The following SHB variants were observed in gnomAD, a reference collection of about 807,000 sequenced individuals.
SHB encodes the protein SH2 domain containing adaptor protein B.
SHB carries 20 observed loss-of-function variants against 52.3 expected under a neutral mutation model. The observed-to-expected ratio is 0.38, with a 90% CI of 0.27 to 0.56. The LOEUF (loss-of-function observed/expected upper bound fraction) is 0.56, where lower values mean the gene tolerates loss of function less well. Ranked by LOEUF, SHB falls within the 20% of genes least tolerant of loss-of-function variation. The pLI is 0.71. For synonymous variants in SHB, 397 were observed against 316.5 expected (o/e 1.25, Z -2.70); for missense variants, 825 against 723.3 (o/e 1.14, Z -1.61).
At chr9:38,012,725 T>C (rs1453523906) in intron 2 of SHB, among the ~76,000 whole-genome samples, 1 of 151,190 alleles carries the variant, frequency 6.6e-6, no homozygotes, top group Non-Finnish European at 1.5e-5. Context: ...CCTGTACAGG[T>C]ACGCCACCTG....
chr9:38,046,517 C>T (rs1338571006), intron 1 of SHB, among the ~76,000 whole-genome samples: 1 of 152,250 alleles, frequency 6.6e-6, no homozygotes, highest in Non-Finnish European at 1.5e-5. Context: ...GGAGACACCA[C>T]ATTCCTCTGA....
At chr9:37,943,082 G>A (rs779273131) in intron 5 of SHB, among the ~76,000 whole-genome samples, 2 of 152,174 alleles carry the variant, frequency 1.3e-5, no homozygotes, top group Non-Finnish European at 2.9e-5. Context: ...TCCACCTGGT[G>A]ATCAGGGCTA....
chr9:37,987,809 C>T (rs751865503), intron 2 of SHB, among the ~76,000 whole-genome samples: 4 of 152,136 alleles, frequency 2.6e-5, no homozygotes, highest in East Asian at 1.9e-4. Context: ...GTCAGAGGGG[C>T]GGCCAACACA....
chr9:38,024,174 C>A (rs1462186949), intron 1 of SHB, among the ~76,000 whole-genome samples: 1 of 152,254 alleles, frequency 6.6e-6, no homozygotes, highest in Non-Finnish European at 1.5e-5. Flanking sequence ...CGCCCACATG[C>A]CTTCAGGGGC....
At chr9:37,975,415 T>A (rs777291827) in intron 2 of SHB, among the ~76,000 whole-genome samples, 6 of 152,128 alleles carry the variant, frequency 3.9e-5, no homozygotes, top group Non-Finnish European at 8.8e-5. Flanking sequence ...CCCCAGACCA[T>A]CTTTTAAATA....
intron 1 of SHB, among the ~76,000 whole-genome samples, chr9:38,061,582 A>C (rs1194246167): frequency 6.6e-6 from 1 of 152,222 alleles, no homozygotes; most frequent in Non-Finnish European, 1.5e-5. Flanking sequence ...AGAAGAAACC[A>C]CAGCTGTTTC....
chr9:37,981,016 A>G (rs1397310780), intron 2 of SHB, among the ~76,000 whole-genome samples: 1 of 152,212 alleles, frequency 6.6e-6, no homozygotes, highest in African/African-American at 2.4e-5. Context: ...TAGATTTAGC[A>G]TAATTCTTAA....
At chr9:38,055,405 G>T (rs566064703) in intron 1 of SHB, among the ~76,000 whole-genome samples, 2 of 152,310 alleles carry the variant, frequency 1.3e-5, no homozygotes, top group South Asian at 4.1e-4. Context: ...ACTGATTGAA[G>T]ACACGGGACA....
At chr9:37,937,465 A>C (rs1832384270) in intron 5 of SHB, among the ~76,000 whole-genome samples, 2 of 151,540 alleles carry the variant, frequency 1.3e-5, no homozygotes, top group Non-Finnish European at 2.9e-5. Context: ...TAAAAAGATA[A>C]GAAAAAAAAA....
rs373958255 is a variant in SHB, at chr9:37,978,803, G to A, written c.839-3966C>T. On this transcript the variant is annotated intron_variant, in intron 2 of 5. Coordinates refer to ENST00000377707, the MANE Select transcript of SHB (RefSeq NM_003028.3). ...ACTGTGTAGAGGAGAAGGGATTATC[G>A]CGTAATTATTTTTGAAAGTTGTTTT... Among the ~76,000 whole-genome samples, 31 of 152,308 alleles carry A rather than the reference G, an allele frequency of 2.0e-4. 1 individual carries two copies. In the South Asian group the frequency reaches 3.7e-3, roughly 18 times the overall value.
chr9:37,992,813 A>AC (rs1353755194), intron 2 of SHB, among the ~76,000 whole-genome samples: 1 of 152,218 alleles, frequency 6.6e-6, no homozygotes, highest in Non-Finnish European at 1.5e-5. Context: ...ATCAAATGCT[A>AC]CAGGTATCAG....
chr9:38,020,723 C>T (rs1461712708), intron 1 of SHB, among the ~76,000 whole-genome samples: 2 of 152,138 alleles, frequency 1.3e-5, no homozygotes, highest in Non-Finnish European at 2.9e-5. Context: ...AGTCATGTAA[C>T]CAAACACCAC....
At chr9:38,036,319 C>G (rs1280229177) in intron 1 of SHB, among the ~76,000 whole-genome samples, 2 of 152,130 alleles carry the variant, frequency 1.3e-5, no homozygotes, top group African/African-American at 4.8e-5. Flanking sequence ...ACATTTTAAC[C>G]AAAATTGCTA....
At chr9:37,984,996 C>T (rs377453915) in intron 2 of SHB, among the ~76,000 whole-genome samples, 1 of 152,186 alleles carries the variant, frequency 6.6e-6, no homozygotes, top group East Asian at 1.9e-4. Context: ...CCCACCTCCT[C>T]CTCATCTATC....
At chr9:38,053,085 C>G (rs1821771442) in intron 1 of SHB, among the ~76,000 whole-genome samples, 1 of 118,160 alleles carries the variant, frequency 8.5e-6, no homozygotes, top group Admixed American at 8.2e-5. Context: ...TGGCCATCAG[C>G]TGACACAGAG....
At chr9:37,944,085 T>G (rs1252193985) in intron 5 of SHB, among the ~76,000 whole-genome samples, 2 of 151,728 alleles carry the variant, frequency 1.3e-5, no homozygotes, top group African/African-American at 4.8e-5. Context: ...GGTCAATGAG[T>G]TGGCGGGCAG....
chr9:37,979,816 G>A (rs1252801780), intron 2 of SHB, among the ~76,000 whole-genome samples: 1 of 152,028 alleles, frequency 6.6e-6, no homozygotes, highest in Non-Finnish European at 1.5e-5. Flanking sequence ...AATTAGCCAG[G>A]CATGGTGGCA....
intron 1 of SHB, among the ~76,000 whole-genome samples, chr9:38,034,976 C>T (rs1440747748): frequency 6.6e-6 from 1 of 152,218 alleles, no homozygotes; most frequent in East Asian, 1.9e-4. Context: ...GGATTACAGG[C>T]ATGAGCCACC....
chr9:37,956,199 A>G, intron 3 of SHB, 145 bp from the exon 4 acceptor site: 1 of 745,564 alleles, frequency 1.3e-6, no homozygotes, highest in Non-Finnish European at 2.2e-6. Flanking sequence ...ATAACATGGC[A>G]CAAAAGATTT....
Sources: allele counts gnomAD v4.1 joint callset (sites outside exome capture counted in the v4.1 genomes callset), GRCh38; gene constraint gnomAD v4.1.1; transcripts MANE v1.5; gene names NCBI Gene and HGNC (gene_info 2026-07-23, HGNC 2026-07-21).